VSTM2L: variants seen among roughly 807,000 people sequenced by gnomAD.
VSTM2L encodes the protein V-set and transmembrane domain containing 2 like, also known as V-set and transmembrane domain-containing protein 2-like protein.
In VSTM2L, 9 loss-of-function variants were observed where a neutral mutation model predicts 19.9. The observed-to-expected ratio is 0.45, with a 90% CI of 0.27 to 0.79. VSTM2L has a LOEUF of 0.79. Ranked by LOEUF, VSTM2L falls within the 30% of genes least tolerant of loss-of-function variation. VSTM2L has a pLI of 0.15. For missense variants in VSTM2L, 286 were observed against 295.5 expected, an observed-to-expected ratio of 0.97 and a Z score of 0.24; for synonymous variants, 127 against 133.8, an observed-to-expected ratio of 0.95 and a Z score of 0.35.
chr20:37,931,854 C>G, intron 2 of VSTM2L, 50 bp downstream of exon 2: 1 of 1,576,932 alleles, frequency 6.3e-7, no homozygotes, highest in South Asian at 1.1e-5. Flanking sequence ...GTCCTGGTCC[C>G]TGGGGTAGGG....
chr20:37,904,289 G>C (rs1331178346), intron 1 of VSTM2L, among the ~76,000 whole-genome samples: 1 of 152,314 alleles, frequency 6.6e-6, no homozygotes. Flanking sequence ...CTGCCTCTGG[G>C]GATGGGCAGG....
At chr20:37,931,513 C>T in intron 1 of VSTM2L, 122 bp from the exon 2 acceptor site, 1 of 1,089,168 alleles carries the variant, frequency 9.2e-7, no homozygotes, top group African/African-American at 1.6e-5. Flanking sequence ...TGCAGGTCAC[C>T]CCACCCCCTC....
chr20:37,923,524 G>C (rs1250450290), intron 1 of VSTM2L, among the ~76,000 whole-genome samples: 1 of 152,158 alleles, frequency 6.6e-6, no homozygotes, highest in Non-Finnish European at 1.5e-5. Context: ...TCTTCCCAGC[G>C]AGCCCAGCCC....
At chr20:37,911,960 C>T (rs2072782261) in intron 1 of VSTM2L, among the ~76,000 whole-genome samples, 1 of 152,096 alleles carries the variant, frequency 6.6e-6, no homozygotes, top group African/African-American at 2.4e-5. Context: ...TGGTAGGATT[C>T]CATCAGCACC....
chr20:37,943,257 G>A (rs1306853919), intron 3 of VSTM2L, among the ~76,000 whole-genome samples: 3 of 151,508 alleles, frequency 2.0e-5, no homozygotes, highest in Admixed American at 6.6e-5. Context: ...GGGATTCCAG[G>A]CATGAGCCAC....
At chr20:37,929,301 G>A (rs574868872) in intron 1 of VSTM2L, among the ~76,000 whole-genome samples, 11 of 152,316 alleles carry the variant, frequency 7.2e-5, no homozygotes, top group Non-Finnish European at 1.6e-4. Context: ...CTGAAAGGAG[G>A]CCACTGTGGC....
At chr20:37,939,944 A>T (rs867329192) in intron 3 of VSTM2L, among the ~76,000 whole-genome samples, 3 of 152,180 alleles carry the variant, frequency 2.0e-5, no homozygotes, top group Middle Eastern at 3.4e-3. Context: ...GTCTCTTGGC[A>T]GAGGGGGTGA....
At chr20:37,941,251 C>CA (rs1450097195) in intron 3 of VSTM2L, among the ~76,000 whole-genome samples, 1 of 152,076 alleles carries the variant, frequency 6.6e-6, no homozygotes, top group Non-Finnish European at 1.5e-5. Context: ...ATACACGGTT[C>CA]AAAATGAGAA....
intron 3 of VSTM2L, among the ~76,000 whole-genome samples, chr20:37,939,429 A>AAAAG (rs531690149): frequency 6.6e-6 from 1 of 152,186 alleles, no homozygotes; most frequent in Non-Finnish European, 1.5e-5. Flanking sequence ...AAAAAAAAGA[A>AAAAG]AAAGAAAGAA....
chr20:37,917,316 A>G (rs2072824149), intron 1 of VSTM2L, among the ~76,000 whole-genome samples: 1 of 151,552 alleles, frequency 6.6e-6, no homozygotes, highest in Admixed American at 6.6e-5. Flanking sequence ...CTCTGTCTCA[A>G]AAAAGAAAGA....
At chr20:37,933,729 T>G in intron 3 of VSTM2L, 140 bp downstream of exon 3, 478 of 695,442 alleles carry the variant, frequency 6.9e-4, no homozygotes, top group Non-Finnish European at 1.0e-3. Flanking sequence ...AAAAATGGCC[T>G]TGCTCTGTTT....
chr20:37,929,020 C>T (rs2072894008), intron 1 of VSTM2L, among the ~76,000 whole-genome samples: 1 of 152,216 alleles, frequency 6.6e-6, no homozygotes, highest in African/African-American at 2.4e-5. Flanking sequence ...AGTTACAGGA[C>T]ACCCTCCTCA....
At chr20:37,926,479 G>T (rs2072879856) in intron 1 of VSTM2L, among the ~76,000 whole-genome samples, 1 of 152,114 alleles carries the variant, frequency 6.6e-6, no homozygotes, top group Admixed American at 6.6e-5. Context: ...GGAGGCAGAG[G>T]TTGCAGTGAG....
At chr20:37,915,848 G>A (rs758961904) in intron 1 of VSTM2L, among the ~76,000 whole-genome samples, 9 of 152,078 alleles carry the variant, frequency 5.9e-5, no homozygotes, top group Non-Finnish European at 1.2e-4. Context: ...CAGAGCCTCT[G>A]TTCTGGAACA....
At chr20:37,909,259 T>A (rs894364829) in intron 1 of VSTM2L, among the ~76,000 whole-genome samples, 1 of 151,376 alleles carries the variant, frequency 6.6e-6, no homozygotes, top group Non-Finnish European at 1.5e-5. Flanking sequence ...ATGGGGAGAG[T>A]GTGTAGTGTG....
chr20:37,941,266 G>C (rs544977559), intron 3 of VSTM2L, among the ~76,000 whole-genome samples: 7 of 152,262 alleles, frequency 4.6e-5, no homozygotes, highest in African/African-American at 1.4e-4. Context: ...TGAGAAGACT[G>C]CTATGCAGGA....
intron 3 of VSTM2L, among the ~76,000 whole-genome samples, chr20:37,941,341 A>G (rs1309350122): frequency 6.6e-6 from 1 of 152,310 alleles, no homozygotes; most frequent in Non-Finnish European, 1.5e-5. Flanking sequence ...ATGAATGGGA[A>G]CCAGGCAGGT....
intron 1 of VSTM2L, 114 bp from the exon 2 acceptor site, chr20:37,931,521 C>CA: frequency 2.5e-5 from 29 of 1,182,032 alleles, no homozygotes; most frequent in African/African-American, 3.0e-5. Flanking sequence ...ACCCCACCCC[C>CA]TCCACCCATC....
intron 1 of VSTM2L, among the ~76,000 whole-genome samples, chr20:37,904,315 T>A (rs1281202403): frequency 6.6e-6 from 1 of 152,160 alleles, no homozygotes; most frequent in Non-Finnish European, 1.5e-5. Flanking sequence ...GTGCCATCCT[T>A]CCATAGGGTA....
Sources: gnomAD v4.1 joint callset for allele counts (sites outside exome capture counted in the v4.1 genomes callset) on GRCh38, gnomAD v4.1.1 for gene constraint, MANE v1.5 for transcripts, NCBI Gene and HGNC (gene_info 2026-07-23, HGNC 2026-07-21) for gene names.